Variants in SORBS2 observed in about 807,000 individuals in gnomAD.
The protein encoded by SORBS2 is sorbin and SH3 domain-containing protein 2.
SORBS2 carries 46 observed loss-of-function variants against 97.7 expected under a neutral mutation model. The observed-to-expected ratio is 0.47, with a 90% confidence interval of 0.37 to 0.60. The LOEUF (loss-of-function observed/expected upper bound fraction) is 0.60. Among genes scored for constraint, SORBS2 ranks in the 20% least tolerant of loss-of-function variants. The pLI, the probability that SORBS2 is intolerant of heterozygous loss-of-function variation, is 0.00. For missense variants in SORBS2, 1,316 were observed against 1,282.3 expected, an observed-to-expected ratio of 1.03 and a Z score of -0.40; for synonymous variants, 476 against 473.4, an observed-to-expected ratio of 1.01 and a Z score of -0.07.
chr4:185,646,567 C>A (rs1050765868), intron 4 of SORBS2, 101 bp downstream of exon 13: 11 of 673,972 alleles, frequency 1.6e-5, no homozygotes, highest in African/African-American at 1.3e-4. Flanking sequence ...TAAGTGATTA[C>A]CTTTGTGACA....
intron 1 of SORBS2, among the ~76,000 whole-genome samples, chr4:185,813,769 C>G (rs1336927554): frequency 6.6e-6 from 1 of 152,208 alleles, no homozygotes; most frequent in African/African-American, 2.4e-5. Context: ...TCACTCATGA[C>G]TCTCCCAGGT....
intron 14 of SORBS2, among the ~76,000 whole-genome samples, chr4:185,588,842 T>C (rs2153352145): frequency 6.6e-6 from 1 of 152,292 alleles, no homozygotes; most frequent in African/African-American, 2.4e-5. Flanking sequence ...CTCGAACTCC[T>C]GGCCTCAGGT....
intron 2 of SORBS2, among the ~76,000 whole-genome samples, chr4:185,680,824 A>G (rs1321515939): frequency 6.6e-6 from 1 of 152,148 alleles, no homozygotes; most frequent in Non-Finnish European, 1.5e-5. Context: ...TGTAGGGGGC[A>G]GGCTCTGTTT....
intron 1 of SORBS2, among the ~76,000 whole-genome samples, chr4:185,823,028 G>C (rs2099197718): frequency 6.6e-6 from 1 of 152,188 alleles, no homozygotes; most frequent in Non-Finnish European, 1.5e-5. Context: ...TATCTCCACA[G>C]GTAGCTACTC....
chr4:185,614,879 G>A (rs1354995760), exon 11 of SORBS2: 3 of 1,614,168 alleles, frequency 1.9e-6, no homozygotes, highest in South Asian at 2.2e-5. Flanking sequence ...AGTTGTATTT[G>A]GCTATAGCTT....
chr4:185,881,161 A>G (rs1285720011), intron 1 of SORBS2, among the ~76,000 whole-genome samples: 2 of 152,244 alleles, frequency 1.3e-5, no homozygotes, highest in African/African-American at 4.8e-5. Flanking sequence ...AAATAATAAA[A>G]CTAGGGGAGA....
intron 1 of SORBS2, among the ~76,000 whole-genome samples, chr4:185,776,305 ACAT>A (rs1490048294): frequency 6.6e-6 from 1 of 152,170 alleles, no homozygotes; most frequent in African/African-American, 2.4e-5. Flanking sequence ...GAGACTATTC[ACAT>A]CATGGCAGCT....
At chr4:185,709,304 CTTT>C (rs70962587) in intron 2 of SORBS2, among the ~76,000 whole-genome samples, 1 of 96,804 alleles carries the variant, frequency 1.0e-5, no homozygotes, top group Non-Finnish European at 2.0e-5. Flanking sequence ...CTGGCCAAAT[CTTT>C]TTTTTTTTTT....
At chr4:185,788,436 A>G (rs1190436940) in intron 1 of SORBS2, among the ~76,000 whole-genome samples, 2 of 152,214 alleles carry the variant, frequency 1.3e-5, no homozygotes, top group Non-Finnish European at 2.9e-5. Flanking sequence ...ATAGCCAGAC[A>G]CTCAAGTACG....
At chr4:185,640,536 T>C (rs1248397851) in intron 4 of SORBS2, among the ~76,000 whole-genome samples, 1 of 152,224 alleles carries the variant, frequency 6.6e-6, no homozygotes, top group Non-Finnish European at 1.5e-5. Flanking sequence ...TTATATTTGG[T>C]TTACACCTCA....
chr4:185,643,581 C>T lies in SORBS2; in HGVS notation c.396+3087G>A, dbSNP rs183197809. 1.8e-3 allele frequency among the ~76,000 whole-genome samples: 281 copies of T among 152,188 alleles called. 1 individual carries two copies. Among genetic ancestry groups the T allele is most frequent in the African/African-American group, 6.6e-3 (272 of 41,506 alleles). ...ATGAATCAGGTGGCTGTCACTGTAGCCCAGGCACGGACAATTGTGGGCCAG... is the reference window on the plus strand; with the variant it reads ...ATGAATCAGGTGGCTGTCACTGTAGTCCAGGCACGGACAATTGTGGGCCAG... On this transcript the variant is annotated intron_variant, in intron 4 of 14. Transcript: ENST00000418609.
rs146010210 is a variant in SORBS2 at position 185,588,609 on chromosome 4, T to TCCTCCTCCTC, written c.2954-931_2954-922dup. ...GTTTCTCCTCCCTCCTCCTCCTCCC[T>TCCTCCTCCTC]CCTCCTCCTCCTCCTTGTTTTTGAG... On this transcript the variant is annotated intron_variant, in intron 14 of 14. Transcript: ENST00000418609. Among the ~76,000 whole-genome samples the TCCTCCTCCTC allele has an allele frequency of 4.9e-3, 738 of 149,366 alleles. 6 individuals are homozygous for TCCTCCTCCTC. Among genetic ancestry groups the TCCTCCTCCTC allele is most frequent in the African/African-American group, 0.017 (706 of 40,902 alleles).
intron 2 of SORBS2, among the ~76,000 whole-genome samples, chr4:185,685,968 T>A (rs2097950102): frequency 1.3e-5 from 2 of 152,218 alleles, no homozygotes; most frequent in African/African-American, 4.8e-5. Flanking sequence ...GAGAAGTCTT[T>A]TAAAATTGGA....
At position 185,956,195 on chromosome 4, in the gene SORBS2, C is replaced by T. The variant is rs1311176080; in HGVS notation, c.-338+1G>A. On this transcript the variant is annotated splice_donor_variant, in intron 1 of 20. Transcript: ENST00000284776. LOFTEE classifies it low-confidence loss of function (5UTR_SPLICE). The stretch of plus-strand genomic sequence containing the variant: ...GAAACTCAATGAAAAGGAAGTGATA[C>T]CTTTGGATGGGCACATTCCAGCACA... 1 of 152,204 alleles carries T rather than the reference C, an allele frequency of 6.6e-6. No individual in the cohort carries two copies. The highest frequency in any genetic ancestry group is 2.4e-5 in the African/African-American group (1 of 41,444). The allele number at this position is 152,204 out of a possible 1,614,324, so 9.4% of individuals were successfully genotyped here.
intron 12 of SORBS2, among the ~76,000 whole-genome samples, chr4:185,597,628 A>G (rs576147068): frequency 6.6e-6 from 1 of 152,360 alleles, no homozygotes; most frequent in East Asian, 1.9e-4. Context: ...TCAGCATCTT[A>G]ATTTTGACGC....
At chr4:185,649,999 A>C (rs374576704) in intron 2 of SORBS2, among the ~76,000 whole-genome samples, 10 of 152,282 alleles carry the variant, frequency 6.6e-5, no homozygotes, top group African/African-American at 2.4e-4. Flanking sequence ...CTAAGAAAAT[A>C]GTTCAGTTTT....
intron 1 of SORBS2, among the ~76,000 whole-genome samples, chr4:185,780,753 T>C (rs929031949): frequency 9.9e-5 from 15 of 152,218 alleles, no homozygotes; most frequent in African/African-American, 3.6e-4. Flanking sequence ...TACTTTTTAG[T>C]AGGCGATTTG....
chr4:185,947,698 C>G (rs2150018099), intron 1 of SORBS2, among the ~76,000 whole-genome samples: 1 of 152,300 alleles, frequency 6.6e-6, no homozygotes, highest in East Asian at 1.9e-4. Flanking sequence ...GCAACCTCCG[C>G]CTCCTGGGCT....
rs527822955 is a variant in SORBS2, at chr4:185,701,422, A to T, written c.-197-22600T>A. On this transcript the variant is annotated intron_variant, in intron 2 of 20. Transcript: ENST00000284776. ...ACAGGTAGAGAATGTCTGTGTGGAC[A>T]TCTTCATGGACAGAGATACCCACTG... 2.0e-5 allele frequency among the ~76,000 whole-genome samples: 3 copies of T among 152,310 alleles called. No individual in the cohort carries two copies. The South Asian group carries it at 6.2e-4, about 32-fold the overall frequency.
Sources: gnomAD v4.1 joint callset for allele counts (sites outside exome capture counted in the v4.1 genomes callset) on GRCh38, gnomAD v4.1.1 for gene constraint, MANE v1.5 for transcripts, NCBI Gene and HGNC (gene_info 2026-07-23, HGNC 2026-07-21) for gene names.